The following CRISP1 variants were observed in gnomAD, a reference collection of about 807,000 sequenced individuals.
CRISP1 encodes cysteine rich secretory protein 1.
CRISP1 carries 44 observed loss-of-function variants against 33.1 expected under a neutral mutation model. The observed-to-expected ratio is 1.33, with a 90% CI of 1.05 to 1.71. CRISP1 has a LOEUF of 1.71. CRISP1 is among the 40% of genes most tolerant of loss of function. CRISP1 has a pLI of 0.00. For missense variants in CRISP1, 390 were observed against 301.2 expected, an observed-to-expected ratio of 1.29 and a Z score of -2.18; for synonymous variants, 103 against 98.7, an observed-to-expected ratio of 1.04 and a Z score of -0.26.
chr6:49,845,054 A>C (rs988407368), intron 5 of CRISP1, among the ~76,000 whole-genome samples: 22 of 152,164 alleles, frequency 1.4e-4, no homozygotes, highest in African/African-American at 4.6e-4. Flanking sequence ...GGGGAGGGGC[A>C]ATGGTACAAT....
intron 1 of CRISP1, among the ~76,000 whole-genome samples, chr6:49,865,525 A>G (rs1043582912): frequency 5.9e-5 from 9 of 152,280 alleles, no homozygotes; most frequent in African/African-American, 1.9e-4. Flanking sequence ...ATTATAGTCA[A>G]TTTGATCCAT....
intron 3 of CRISP1, 37 bp from the exon 4 acceptor site, chr6:49,848,336 T>G: frequency 8.3e-7 from 1 of 1,207,388 alleles, no homozygotes; most frequent in East Asian, 2.4e-5. Flanking sequence ...ATGTTCCAAT[T>G]AATATTTTCA....
At chr6:49,837,106 T>G (rs898550070) in intron 7 of CRISP1, among the ~76,000 whole-genome samples, 2 of 152,094 alleles carry the variant, frequency 1.3e-5, no homozygotes, top group African/African-American at 2.4e-5. Context: ...AGAATTATTT[T>G]TATAAATTTT....
In CRISP1 at chr6:49,834,859, G is replaced by T. The variant is rs1054149219; in HGVS notation, c.*457C>A. The stretch of plus-strand genomic sequence containing the variant: ...ACCTTGCAAGATGAGACTGAACTCT[G>T]TTTGCTTTGTGGATTCCTTTAATGA... On this transcript the variant is annotated 3_prime_UTR_variant, in exon 8 of 8. Coordinates refer to ENST00000335847, the MANE Select transcript of CRISP1 (RefSeq NM_001131.3). 5.3e-5 allele frequency: 8 copies of T among 152,180 alleles called. No individual in the cohort carries two copies. Among genetic ancestry groups the T allele is most frequent in the African/African-American group, 1.9e-4 (8 of 41,316 alleles). 9.4% of individuals were successfully genotyped at this position (152,180 alleles called of 1,614,324 possible).
In CRISP1 at chr6:49,874,661, A is replaced by C. The variant is rs371823734; in HGVS notation, c.-3+2348T>G. On this transcript the variant is annotated intron_variant, in intron 1 of 7. Transcript: ENST00000505118. ...CATTGATTCAGAAATCCTCAATAAAATACTGGCAAACCAAATCCAGCAGTG... is the reference window on the plus strand; with the variant it reads ...CATTGATTCAGAAATCCTCAATAAACTACTGGCAAACCAAATCCAGCAGTG... Among the ~76,000 whole-genome samples, 57 of 152,230 alleles carry C rather than the reference A, an allele frequency of 3.7e-4. No individual in the cohort carries two copies. In the East Asian group the frequency reaches 4.6e-3, roughly 12 times the overall value.
chr6:49,848,066 C>T, intron 4 of CRISP1, 143 bp downstream of exon 4: 1 of 476,874 alleles, frequency 2.1e-6, no homozygotes, highest in South Asian at 4.3e-5. Flanking sequence ...TGTAATAGTC[C>T]ACAATTCACT....
chr6:49,837,910 A>T (rs1250692702), intron 7 of CRISP1, among the ~76,000 whole-genome samples: 2 of 152,082 alleles, frequency 1.3e-5, no homozygotes, highest in Non-Finnish European at 2.9e-5. Flanking sequence ...TTAAAAAAAA[A>T]AAAGAGGCTT....
At chr6:49,839,499 A>G (rs1159715053) in intron 6 of CRISP1, among the ~76,000 whole-genome samples, 1 of 152,086 alleles carries the variant, frequency 6.6e-6, no homozygotes, top group Admixed American at 6.6e-5. Context: ...TGTATGTCTA[A>G]AAACATAATG....
intron 1 of CRISP1, among the ~76,000 whole-genome samples, chr6:49,858,698 C>A (rs1441194188): frequency 6.6e-6 from 1 of 152,044 alleles, no homozygotes; most frequent in Admixed American, 6.6e-5. Flanking sequence ...TATGGTGACA[C>A]AGATGATGAA....
intron 1 of CRISP1, among the ~76,000 whole-genome samples, 182 bp downstream of exon 1, chr6:49,866,247 A>G (rs1771795772): frequency 6.6e-6 from 1 of 152,186 alleles, no homozygotes; most frequent in South Asian, 2.1e-4. Context: ...TGGATAGTAT[A>G]TCAGCTTATA....
intron 3 of CRISP1, among the ~76,000 whole-genome samples, chr6:49,850,587 T>C (rs1771317227): frequency 6.6e-6 from 1 of 152,124 alleles, no homozygotes; most frequent in Admixed American, 6.6e-5. Flanking sequence ...TCTAATCCTA[T>C]ACATGTCCTA....
At chr6:49,851,133 C>T (rs1289286561) in intron 3 of CRISP1, among the ~76,000 whole-genome samples, 1 of 152,100 alleles carries the variant, frequency 6.6e-6, no homozygotes, top group Non-Finnish European at 1.5e-5. Context: ...AGTTCAAATA[C>T]CCCTTTGGAT....
chr6:49,855,442 A>G, intron 2 of CRISP1, among the ~76,000 whole-genome samples: 1 of 146,030 alleles, frequency 6.8e-6, no homozygotes, highest in Non-Finnish European at 1.5e-5. Context: ...CTTATCTCTG[A>G]TTTTTTTTTT....
chr6:49,836,727 TATTAAA>T (rs1168358309), intron 7 of CRISP1, among the ~76,000 whole-genome samples: 1 of 152,180 alleles, frequency 6.6e-6, no homozygotes, highest in Non-Finnish European at 1.5e-5. Context: ...CTTCCTAAAT[TATTAAA>T]CTGATTCACC....
upstream of CRISP1, among the ~76,000 whole-genome samples, chr6:49,866,936 C>A (rs575241818): frequency 6.6e-6 from 1 of 152,182 alleles, no homozygotes; most frequent in South Asian, 2.1e-4. Context: ...ACTACACAAT[C>A]TTATGGAGTT....
At chr6:49,841,924 AAGG>A (rs1396147135) in intron 5 of CRISP1, among the ~76,000 whole-genome samples, 1 of 152,134 alleles carries the variant, frequency 6.6e-6, no homozygotes, top group Admixed American at 6.5e-5. Flanking sequence ...AGTGGTTCAA[AAGG>A]AGATGTTTTC....
At chr6:49,846,365 A>G (rs563075840) in intron 5 of CRISP1, among the ~76,000 whole-genome samples, 155 bp downstream of exon 5, 2 of 152,196 alleles carry the variant, frequency 1.3e-5, no homozygotes, top group Non-Finnish European at 2.9e-5. Flanking sequence ...TTTGAACAGA[A>G]CACTTCCTTC....
intron 6 of CRISP1, among the ~76,000 whole-genome samples, chr6:49,840,407 C>A (rs1770945568): frequency 6.6e-6 from 1 of 152,176 alleles, no homozygotes; most frequent in African/African-American, 2.4e-5. Context: ...AACTTTTTGA[C>A]TAGATAGCTA....
intron 2 of CRISP1, among the ~76,000 whole-genome samples, chr6:49,852,713 T>C (rs893531293): frequency 6.6e-6 from 1 of 152,206 alleles, no homozygotes; most frequent in Non-Finnish European, 1.5e-5. Flanking sequence ...AAACATAGAA[T>C]TCAAATTCAG....
Sources: gnomAD v4.1 joint callset for allele counts (sites outside exome capture counted in the v4.1 genomes callset) on GRCh38, gnomAD v4.1.1 for gene constraint, MANE v1.5 for transcripts, NCBI Gene and HGNC (gene_info 2026-07-23, HGNC 2026-07-21) for gene names.